Variants in ART3 observed in about 807,000 individuals in gnomAD.
The protein encoded by ART3 is ADP-ribosyltransferase 3 (inactive), also known as ecto-ADP-ribosyltransferase 3.
Under a neutral mutation model 48.5 loss-of-function variants are expected in ART3, and 49 were observed. The ratio of observed to expected loss-of-function variants is 1.01; its 90% confidence interval spans 0.80 to 1.28. The LOEUF (loss-of-function observed/expected upper bound fraction) is 1.28. ART3 is among the 50% of genes most tolerant of loss of function. ART3 has a pLI of 0.00. For missense variants in ART3, 438 were observed against 454.3 expected (o/e 0.96, Z 0.33); for synonymous variants, 145 against 157.2 (o/e 0.92, Z 0.58).
chr4:76,022,464 A>G (rs1351932981), intron 1 of ART3: 2 of 1,608,784 alleles, frequency 1.2e-6, no homozygotes, highest in Non-Finnish European at 1.7e-6. Flanking sequence ...CACTGTAGAA[A>G]TAAATAGGGA....
At chr4:76,058,563 A>G (rs1476776895) in intron 1 of ART3, 1 of 152,204 alleles carries the variant, frequency 6.6e-6, no homozygotes, top group African/African-American at 2.4e-5. Context: ...ATGTTTAGAT[A>G]TATTCATTTC....
chr4:76,061,395 T>C (rs770171447), intron 1 of ART3, among the ~76,000 whole-genome samples: 8 of 152,224 alleles, frequency 5.3e-5, no homozygotes, highest in Non-Finnish European at 1.2e-4. Context: ...ATTTGGGGTT[T>C]ATTACCACTG....
chr4:76,105,979 A>G, intron 10 of ART3: 1 of 985,380 alleles, frequency 1.0e-6, no homozygotes, highest in Non-Finnish European at 1.2e-6. Flanking sequence ...AGGCCACTAG[A>G]TTTTGTTGGG....
At chr4:76,023,718 C>T (rs1026180652) in intron 1 of ART3, among the ~76,000 whole-genome samples, 1 of 152,112 alleles carries the variant, frequency 6.6e-6, no homozygotes, top group East Asian at 1.9e-4. Context: ...GTTTCACTTT[C>T]CAAAACATGA....
chr4:76,022,777 G>T, intron 1 of ART3: 2 of 1,612,800 alleles, frequency 1.2e-6, no homozygotes. Context: ...GATTACTAAT[G>T]CTGATGCAGG....
chr4:76,056,701 T>G (rs1030174926), intron 1 of ART3, among the ~76,000 whole-genome samples: 1 of 152,152 alleles, frequency 6.6e-6, no homozygotes, highest in Non-Finnish European at 1.5e-5. Context: ...ACGTTGAGAT[T>G]TAGAATACCT....
At chr4:76,100,380 C>A in intron 6 of ART3, 60 bp downstream of exon 6, 1 of 1,550,418 alleles carries the variant, frequency 6.4e-7, no homozygotes, top group Non-Finnish European at 8.8e-7. Context: ...TGCCTGTAAT[C>A]CCAGCACTTT....
intron 1 of ART3, among the ~76,000 whole-genome samples, chr4:76,012,915 C>T (rs1356814238): frequency 1.3e-5 from 2 of 152,110 alleles, no homozygotes; most frequent in Non-Finnish European, 2.9e-5. Flanking sequence ...AAGAAAAAAT[C>T]CACATTCTTA....
intron 1 of ART3, among the ~76,000 whole-genome samples, chr4:76,040,446 A>ACACACGCG (rs57015929): frequency 0.012 from 1,726 of 138,560 alleles, 64 homozygotes; most frequent in Admixed American, 0.085. Flanking sequence ...ATACACACAC[A>ACACACGCG]CACACACACA....
chr4:76,086,123 T>C (rs1024207985), intron 3 of ART3, among the ~76,000 whole-genome samples: 1 of 150,880 alleles, frequency 6.6e-6, no homozygotes, highest in African/African-American at 2.4e-5. Flanking sequence ...ATCCCTTTCT[T>C]GGGTATATAC....
chr4:76,060,078 G>A (rs1276713138), intron 1 of ART3, among the ~76,000 whole-genome samples: 1 of 152,104 alleles, frequency 6.6e-6, no homozygotes, highest in Non-Finnish European at 1.5e-5. Context: ...TCATCCTGTT[G>A]CCTTGCATGG....
At chr4:76,037,280 T>C (rs908928057) in intron 1 of ART3, among the ~76,000 whole-genome samples, 2 of 152,224 alleles carry the variant, frequency 1.3e-5, no homozygotes, top group Admixed American at 1.3e-4. Context: ...TAAATCTTTG[T>C]TTTAAGTGTG....
chr4:76,056,234 T>G (rs1474746910), intron 1 of ART3, among the ~76,000 whole-genome samples: 2 of 152,198 alleles, frequency 1.3e-5, no homozygotes, highest in African/African-American at 4.8e-5. Flanking sequence ...CTAGGTCCCT[T>G]TCCTTCCAGA....
At chr4:76,033,526 C>A (rs1179376616) in intron 1 of ART3, among the ~76,000 whole-genome samples, 2 of 152,102 alleles carry the variant, frequency 1.3e-5, no homozygotes, top group Admixed American at 6.6e-5. Context: ...ACTATCAAGA[C>A]CCCCCAAGGC....
chr4:76,024,217 G>A (rs1033477633), intron 1 of ART3, among the ~76,000 whole-genome samples: 3 of 152,062 alleles, frequency 2.0e-5, no homozygotes, highest in African/African-American at 7.2e-5. Flanking sequence ...ATCTAGAATG[G>A]TGTGAGAAAA....
intron 2 of ART3, among the ~76,000 whole-genome samples, chr4:76,078,997 C>T (rs1043333605): frequency 6.6e-6 from 1 of 151,970 alleles, no homozygotes; most frequent in Non-Finnish European, 1.5e-5. Flanking sequence ...GGGAGAATGG[C>T]GTGAACCCGG....
At chr4:76,029,281 A>G (rs529785147) in intron 1 of ART3, among the ~76,000 whole-genome samples, 1 of 152,330 alleles carries the variant, frequency 6.6e-6, no homozygotes, top group Admixed American at 6.5e-5. Context: ...TTTGAAGAAG[A>G]ATGCTAAGTC....
chr4:76,083,744 T>G (rs1182181570), intron 3 of ART3, among the ~76,000 whole-genome samples: 2 of 152,254 alleles, frequency 1.3e-5, no homozygotes, highest in African/African-American at 4.8e-5. Flanking sequence ...AACTCCTGAT[T>G]ACAGGTCATT....
chr4:76,106,529 G>T (rs146146236), intron 10 of ART3: 4,697 of 181,730 alleles, frequency 0.026, 197 homozygotes, highest in African/African-American at 0.094. Context: ...GACTGCTTCT[G>T]TGTCTCTTTG....
Sources: allele counts gnomAD v4.1 joint callset (sites outside exome capture counted in the v4.1 genomes callset), GRCh38; gene constraint gnomAD v4.1.1; transcripts MANE v1.5; gene names NCBI Gene and HGNC (gene_info 2026-07-23, HGNC 2026-07-21).